The following ZMYND11 variants were observed in gnomAD, a reference collection of about 807,000 sequenced individuals.
The protein encoded by ZMYND11 is zinc finger MYND domain-containing protein 11.
In ZMYND11, 9 loss-of-function variants were observed where a neutral mutation model predicts 84.9. That is an observed-to-expected ratio of 0.11 (90% CI 0.06 to 0.18). The LOEUF (loss-of-function observed/expected upper bound fraction) is 0.18, where lower values mean the gene tolerates loss of function less well. Ranked by LOEUF, ZMYND11 falls within the 10% of genes least tolerant of loss-of-function variation. The probability of loss-of-function intolerance (pLI) is 1.00; values close to 1 mark genes in which losing one functional copy is unlikely to be tolerated. For missense variants in ZMYND11, 409 were observed against 761.0 expected, an observed-to-expected ratio of 0.54 and a Z score of 5.44; for synonymous variants, 250 against 244.1, an observed-to-expected ratio of 1.02 and a Z score of -0.23.
At position 253,238 on chromosome 10, in the gene ZMYND11, AAAC is replaced by A; in HGVS notation, c.*774_*776del. Reference sequence around the variant, plus strand: ...CTAACATGAGTGCTTGTAACAAAATAAACAACAAAAACAAAGCCAAAAACTACC... The same window carrying A: ...CTAACATGAGTGCTTGTAACAAAATAAACAAAAACAAAGCCAAAAACTACC... On this transcript the variant is annotated 3_prime_UTR_variant, in exon 15 of 15. Coordinates refer to ENST00000381604, the MANE Select transcript of ZMYND11 (RefSeq NM_001370100.5). The A allele has an allele frequency of 6.6e-6, 1 of 152,642 alleles. No homozygotes were observed. The highest frequency in any genetic ancestry group is 1.5e-5 in the Non-Finnish European group (1 of 68,032). The allele number at this position is 152,642 out of a possible 1,614,324, so 9.5% of individuals were successfully genotyped here.
chr10:199,372 C>T (rs962012598), intron 2 of ZMYND11, among the ~76,000 whole-genome samples: 20 of 142,806 alleles, frequency 1.4e-4, no homozygotes, highest in African/African-American at 5.1e-4. Flanking sequence ...TATGCATGTA[C>T]GTATGTATAT....
At chr10:179,634 C>A (rs1847414696) in intron 1 of ZMYND11, among the ~76,000 whole-genome samples, 1 of 152,222 alleles carries the variant, frequency 6.6e-6, no homozygotes, top group Admixed American at 6.5e-5. Context: ...TTGTATTGAT[C>A]AAATTACAAA....
chr10:160,491 A>G (rs935680592), intron 1 of ZMYND11, among the ~76,000 whole-genome samples: 7 of 152,164 alleles, frequency 4.6e-5, no homozygotes, highest in Non-Finnish European at 8.8e-5. Context: ...GGACAGCAAT[A>G]AAGTTTGCCA....
intron 4 of ZMYND11, among the ~76,000 whole-genome samples, chr10:233,359 C>A (rs1359861388): frequency 1.3e-5 from 2 of 152,208 alleles, no homozygotes; most frequent in Non-Finnish European, 2.9e-5. Context: ...TAGATCCCCA[C>A]TCCCACGCCC....
intron 4 of ZMYND11, among the ~76,000 whole-genome samples, chr10:231,050 A>T (rs1948942675): frequency 6.6e-6 from 1 of 152,378 alleles, no homozygotes; most frequent in East Asian, 1.9e-4. Flanking sequence ...CATGAAAATT[A>T]TAAAAAATTC....
At chr10:209,615 C>T (rs947208429) in intron 2 of ZMYND11, among the ~76,000 whole-genome samples, 5 of 152,098 alleles carry the variant, frequency 3.3e-5, no homozygotes, top group Non-Finnish European at 5.9e-5. Context: ...GATTTATATT[C>T]GCTGATTTGG....
chr10:153,569 T>A (rs72770966), intron 1 of ZMYND11, among the ~76,000 whole-genome samples: 1 of 152,320 alleles, frequency 6.6e-6, no homozygotes, highest in South Asian at 2.1e-4. Flanking sequence ...ATCAGTAACA[T>A]CTACAGAATG....
chr10:249,696 C>G (rs909582894), intron 14 of ZMYND11: 2 of 985,280 alleles, frequency 2.0e-6, no homozygotes, highest in Non-Finnish European at 2.4e-6. Flanking sequence ...CTACAGCCGC[C>G]ACAGTGCTCA....
chr10:213,540 C>A (rs1268089544), intron 3 of ZMYND11, among the ~76,000 whole-genome samples: 1 of 152,088 alleles, frequency 6.6e-6, no homozygotes, highest in African/African-American at 2.4e-5. Flanking sequence ...ACGTTTAAGT[C>A]AAAGTTACAA....
intron 1 of ZMYND11, among the ~76,000 whole-genome samples, chr10:162,552 GT>G (rs1204013615): frequency 6.6e-6 from 1 of 151,950 alleles, no homozygotes; most frequent in South Asian, 2.1e-4. Flanking sequence ...GTTATTGAGG[GT>G]TTTTTATATG....
intron 1 of ZMYND11, among the ~76,000 whole-genome samples, chr10:171,259 G>C (rs1040300928): frequency 2.6e-5 from 4 of 152,130 alleles, no homozygotes; most frequent in Non-Finnish European, 5.9e-5. Context: ...AAAATAGATT[G>C]ATCTAGCAGG....
intron 1 of ZMYND11, among the ~76,000 whole-genome samples, chr10:167,284 T>C (rs538498072): frequency 6.6e-6 from 1 of 152,048 alleles, no homozygotes; most frequent in African/African-American, 2.4e-5. Context: ...ATAAATAATA[T>C]TATGTTCCAA....
intron 2 of ZMYND11, among the ~76,000 whole-genome samples, chr10:199,517 C>T (rs2131063152): frequency 6.6e-6 from 1 of 152,214 alleles, no homozygotes; most frequent in African/African-American, 2.4e-5. Context: ...GCAGTCTTGA[C>T]TTTCTGGGCT....
At chr10:241,890 G>T (rs376489367) in intron 9 of ZMYND11, 131 bp from the exon 10 acceptor site, 3 of 1,132,780 alleles carry the variant, frequency 2.6e-6, no homozygotes, top group Admixed American at 2.3e-5. Flanking sequence ...AAAAAATCTC[G>T]TATGTGTTTA....
At chr10:229,451 G>A (rs1004358905) in intron 4 of ZMYND11, among the ~76,000 whole-genome samples, 3 of 151,928 alleles carry the variant, frequency 2.0e-5, no homozygotes, top group African/African-American at 7.3e-5. Flanking sequence ...ACTACTCTCA[G>A]TTTTTTTACC....
chr10:184,704 C>T (rs1003572127), intron 2 of ZMYND11, among the ~76,000 whole-genome samples: 33 of 152,138 alleles, frequency 2.2e-4, no homozygotes, highest in Non-Finnish European at 4.6e-4. Flanking sequence ...CATTCTGCTG[C>T]GTGTGCCATA....
chr10:151,437 A>G (rs1554757025), intron 1 of ZMYND11, among the ~76,000 whole-genome samples: 1 of 152,232 alleles, frequency 6.6e-6, no homozygotes, highest in Non-Finnish European at 1.5e-5. Flanking sequence ...TCAGTAGCCA[A>G]TTCAATCAAC....
At chr10:236,795 T>G (rs1286837101) in intron 4 of ZMYND11, 43 bp from the exon 5 acceptor site, 1 of 1,515,634 alleles carries the variant, frequency 6.6e-7, no homozygotes, top group East Asian at 2.3e-5. Flanking sequence ...GACATAAGAA[T>G]GATCAGATTT....
chr10:241,631 G>A (rs1217365337), intron 9 of ZMYND11, among the ~76,000 whole-genome samples: 1 of 152,234 alleles, frequency 6.6e-6, no homozygotes, highest in Non-Finnish European at 1.5e-5. Flanking sequence ...ATTCTTGGCC[G>A]GCAGCCTTGG....
Sources: gnomAD v4.1 joint callset for allele counts (sites outside exome capture counted in the v4.1 genomes callset) on GRCh38, gnomAD v4.1.1 for gene constraint, MANE v1.5 for transcripts, NCBI Gene and HGNC (gene_info 2026-07-23, HGNC 2026-07-21) for gene names.